ADGRB3: variants seen among roughly 807,000 people sequenced by gnomAD.
ADGRB3 encodes adhesion G protein-coupled receptor B3, also known as brain-specific angiogenesis inhibitor 3.
A neutral mutation model predicts 193.4 loss-of-function variants in ADGRB3; 37 were observed. The ratio of observed to expected loss-of-function variants is 0.19; its 90% CI spans 0.15 to 0.25. ADGRB3 has a LOEUF of 0.25. Among genes scored for constraint, ADGRB3 ranks in the 10% least tolerant of loss-of-function variants. ADGRB3 has a pLI of 1.00. For synonymous variants in ADGRB3, 690 were observed against 644.2 expected, an observed-to-expected ratio of 1.07 and a Z score of -1.08; for missense variants, 1,637 against 1,852.9, an observed-to-expected ratio of 0.88 and a Z score of 2.14.
chr6:69,205,285 G>T (rs1438824279), intron 17 of ADGRB3, among the ~76,000 whole-genome samples: 5 of 152,030 alleles, frequency 3.3e-5, no homozygotes, highest in African/African-American at 9.7e-5. Flanking sequence ...TGTCAGGAGA[G>T]TTTCAAAGCT....
rs186970438 is a variant in ADGRB3 at position 69,166,295 on chromosome 6, G to A, written c.2481-66995G>A. Among the ~76,000 whole-genome samples the A allele has an allele frequency of 5.3e-5, 8 of 152,148 alleles. No homozygotes were observed. The East Asian group carries it at 1.4e-3, about 26-fold the overall frequency. ...CGAAGAAAGCATGCAATGTGATAGA[G>A]GTGTGTCATCTAGGGAAGACCACAT... is the stretch of plus-strand genomic sequence containing the variant. On this transcript the variant is annotated intron_variant, in intron 17 of 31. Coordinates refer to ENST00000370598, the MANE Select transcript of ADGRB3 (RefSeq NM_001704.3).
At chr6:69,305,402 T>C (rs12214328) in intron 20 of ADGRB3, among the ~76,000 whole-genome samples, 1,871 of 151,674 alleles carry the variant, frequency 0.012, 25 homozygotes, top group Non-Finnish European at 0.017. Flanking sequence ...ATTTATACAG[T>C]GTGGATTATT....
At chr6:68,641,007 G>C (rs1035482000) in intron 3 of ADGRB3, among the ~76,000 whole-genome samples, 1 of 152,104 alleles carries the variant, frequency 6.6e-6, no homozygotes, top group Non-Finnish European at 1.5e-5. Flanking sequence ...GCAACTGCAG[G>C]GATGGTATTT....
At chr6:68,897,956 A>T (rs953468540) in intron 3 of ADGRB3, among the ~76,000 whole-genome samples, 4 of 147,698 alleles carry the variant, frequency 2.7e-5, no homozygotes, top group African/African-American at 4.9e-5. Flanking sequence ...TATATATATA[A>T]TATAATAATA....
chr6:69,295,127 A>G (rs1006155324), intron 20 of ADGRB3, among the ~76,000 whole-genome samples: 3 of 152,204 alleles, frequency 2.0e-5, no homozygotes, highest in African/African-American at 7.2e-5. Context: ...GCCTGATGTT[A>G]CTAAAAACCA....
chr6:68,749,037 G>A (rs768736841), intron 3 of ADGRB3, among the ~76,000 whole-genome samples: 2 of 152,120 alleles, frequency 1.3e-5, no homozygotes, highest in Non-Finnish European at 2.9e-5. Flanking sequence ...AGGGCAACAT[G>A]TCCCCAGGCT....
intron 3 of ADGRB3, among the ~76,000 whole-genome samples, chr6:68,805,925 G>T (rs73745877): frequency 0.038 from 5,732 of 152,194 alleles, 346 homozygotes; most frequent in African/African-American, 0.13. Flanking sequence ...TAACTCCCAA[G>T]AATTTATTTT....
chr6:68,983,472 G>A (rs1394748942), intron 10 of ADGRB3, among the ~76,000 whole-genome samples: 1 of 148,642 alleles, frequency 6.7e-6, no homozygotes, highest in Admixed American at 6.7e-5. Flanking sequence ...CATATATATA[G>A]TATATATATA....
At chr6:69,070,111 G>A (rs1772038520) in intron 16 of ADGRB3, among the ~76,000 whole-genome samples, 1 of 152,088 alleles carries the variant, frequency 6.6e-6, no homozygotes, top group Non-Finnish European at 1.5e-5. Flanking sequence ...AAATAATTAT[G>A]ATGAAGTCAC....
At chr6:69,343,555 T>TA (rs1486146983) in intron 26 of ADGRB3, among the ~76,000 whole-genome samples, 8 of 152,104 alleles carry the variant, frequency 5.3e-5, no homozygotes, top group Non-Finnish European at 1.0e-4. Context: ...TATATTACAC[T>TA]AAAAAAATTT....
chr6:68,927,451 A>G (rs1045597374), intron 3 of ADGRB3, among the ~76,000 whole-genome samples: 3 of 152,102 alleles, frequency 2.0e-5, no homozygotes, highest in Non-Finnish European at 2.9e-5. Context: ...GGATGATCCA[A>G]TTGGCCTAAA....
At chr6:68,821,041 G>A (rs574600646) in intron 3 of ADGRB3, among the ~76,000 whole-genome samples, 5 of 152,012 alleles carry the variant, frequency 3.3e-5, no homozygotes, top group Admixed American at 6.6e-5. Flanking sequence ...CTTACCAATC[G>A]TTTACCCAGG....
At chr6:69,179,939 G>A (rs80049739) in intron 17 of ADGRB3, among the ~76,000 whole-genome samples, 2,694 of 152,270 alleles carry the variant, frequency 0.018, 24 homozygotes, top group Non-Finnish European at 0.026. Flanking sequence ...GTGCACTGTG[G>A]TCTGAGCTCT....
At chr6:68,896,652 G>T (rs190299554) in intron 3 of ADGRB3, among the ~76,000 whole-genome samples, 10 of 152,222 alleles carry the variant, frequency 6.6e-5, no homozygotes, top group Admixed American at 4.6e-4. Context: ...AGCAGAAAGC[G>T]TATGGGGAAA....
Position 68,684,529 on chromosome 6 carries a change from G to T in ADGRB3, c.757+45097G>T, listed in dbSNP as rs191934002. ...ATTTAATCTTACATTTTATAATGGG[G>T]TCACTGAAATCTGAATTGACATGTC... is the stretch of plus-strand genomic sequence containing the variant. On this transcript the variant is annotated intron_variant, in intron 3 of 31. Transcript: ENST00000370598. 5.9e-3 allele frequency among the ~76,000 whole-genome samples: 903 copies of T among 152,110 alleles called. 4 individuals are homozygous for T. The highest frequency in any genetic ancestry group is 8.6e-3 in the Non-Finnish European group (587 of 67,984).
intron 3 of ADGRB3, among the ~76,000 whole-genome samples, chr6:68,897,909 T>G (rs966863314): frequency 6.8e-6 from 1 of 147,614 alleles, no homozygotes; most frequent in African/African-American, 2.5e-5. Context: ...GGAAAACACA[T>G]TATTATTAGG....
chr6:69,154,742 A>G (rs182068091), intron 17 of ADGRB3, among the ~76,000 whole-genome samples: 11 of 152,328 alleles, frequency 7.2e-5, no homozygotes, highest in African/African-American at 2.6e-4. Context: ...CAGTCTTCAC[A>G]CAATGCCTAC....
intron 3 of ADGRB3, among the ~76,000 whole-genome samples, chr6:68,900,124 T>C (rs961260816): frequency 1.3e-5 from 2 of 152,166 alleles, no homozygotes; most frequent in Non-Finnish European, 2.9e-5. Flanking sequence ...ACATGTATAA[T>C]TATATATAAG....
chr6:69,335,816 T>C (rs1251904700), intron 24 of ADGRB3, among the ~76,000 whole-genome samples: 1 of 152,096 alleles, frequency 6.6e-6, no homozygotes. Context: ...ACAACTAGGT[T>C]GTTATTAAAA....
Sources: allele counts gnomAD v4.1 joint callset (sites outside exome capture counted in the v4.1 genomes callset), GRCh38; gene constraint gnomAD v4.1.1; transcripts MANE v1.5; gene names NCBI Gene and HGNC (gene_info 2026-07-23, HGNC 2026-07-21).